FGD3: variants seen among roughly 807,000 people sequenced by gnomAD.
FGD3 encodes FYVE, RhoGEF and PH domain containing 3, also known as FYVE, RhoGEF and PH domain-containing protein 3.
FGD3 carries 45 observed loss-of-function variants against 71.8 expected under a neutral mutation model. The ratio of observed to expected loss-of-function variants is 0.63; its 90% CI spans 0.49 to 0.80. FGD3 has a LOEUF of 0.80. FGD3 is among the 30% of genes least tolerant of loss of function. The probability of loss-of-function intolerance (pLI) is 0.00; values close to 1 mark genes in which losing one functional copy is unlikely to be tolerated. For missense variants in FGD3, 844 were observed against 951.5 expected (o/e 0.89, Z 1.49); for synonymous variants, 378 against 392.8 (o/e 0.96, Z 0.44).
At position 92,956,837 on chromosome 9, in the gene FGD3, TC is replaced by T. The variant is rs200598222; in HGVS notation, c.-218+9109del. On this transcript the variant is annotated intron_variant, in intron 1 of 17. Transcript: ENST00000375482. ...GATCCATCCATATAATTGCTTTCTT[TC>T]TTTTTTTTTTTTTTTTTGAAGACAG... is the stretch of plus-strand genomic sequence containing the variant. 3.0e-3 allele frequency among the ~76,000 whole-genome samples: 429 copies of T among 144,266 alleles called. 36 individuals are homozygous for T. The highest frequency in any genetic ancestry group is 0.014 in the Middle Eastern group (4 of 276). The allele number at this position is 144,266 out of a possible 152,430, so 94.6% of individuals were successfully genotyped here.
At chr9:93,025,454 G>A (rs1378263654) in intron 14 of FGD3, among the ~76,000 whole-genome samples, 1 of 152,266 alleles carries the variant, frequency 6.6e-6, no homozygotes, top group Non-Finnish European at 1.5e-5. Context: ...ACAGCTCAGT[G>A]TCTGTGTCAA....
chr9:93,025,604 A>G (rs990946956), intron 14 of FGD3, among the ~76,000 whole-genome samples: 1 of 152,168 alleles, frequency 6.6e-6, no homozygotes, highest in African/African-American at 2.4e-5. Context: ...CCTGAGCCCA[A>G]TTTCTTCAGT....
intron 13 of FGD3, among the ~76,000 whole-genome samples, chr9:93,020,928 A>ATTC (rs559724811): frequency 8.9e-4 from 135 of 152,334 alleles, no homozygotes; most frequent in African/African-American, 3.2e-3. Flanking sequence ...TGGGCGGGAA[A>ATTC]GCAGGATGTG....
chr9:92,976,596 G>A lies in FGD3; in HGVS notation c.340G>A (p.Asp114Asn). 1 of 1,612,828 alleles carries A rather than the reference G, an allele frequency of 6.2e-7. No individual in the cohort carries two copies. Among genetic ancestry groups the A allele is most frequent in the South Asian group, 1.1e-5 (1 of 90,986 alleles). The change falls in exon 3 of 18, where the codon GAC becomes AAC. Residue 114 changes from aspartate to asparagine, a missense_variant. By Grantham distance (23) the Asp-to-Asn change is conservative. Coordinates refer to ENST00000375482, the MANE Select transcript of FGD3 (RefSeq NM_001083536.2). ...GGGGGCGCACGCAGAGATGGCCCTG[G>A]ACAGCCAGGTCCCGAAGGTCACCCC... ...VLGAHAEMAL[D>N]SQVPKVTPQE... is the part of the protein sequence containing the mutation.
Position 93,019,857 on chromosome 9 carries a change from T to C in FGD3, c.1382T>C (p.Ile461Thr), listed in dbSNP as rs954634406. The C allele has an allele frequency of 6.2e-7, 1 of 1,613,928 alleles. No homozygotes were observed. The highest frequency in any genetic ancestry group is 8.5e-7 in the Non-Finnish European group (1 of 1,179,876). The change falls in exon 12 of 18, where the codon ATT (isoleucine) becomes ACT (threonine). Residue 461 changes from isoleucine to threonine, a missense_variant. Physicochemically the swap from Ile to Thr is moderately conservative, Grantham distance 89. Transcript: ENST00000375482. ...TRTEEEKKEW[I>T]QIIQATIEKH... ...ACAGAGGAAGAGAAGAAAGAATGGA[T>C]TCAGGTGAAGCTTCTAAAGTTGTAA...
chr9:93,018,271 A>C (rs1010197178), intron 11 of FGD3, 56 bp downstream of exon 11: 2 of 1,471,988 alleles, frequency 1.4e-6, no homozygotes, highest in Non-Finnish European at 1.9e-6. Flanking sequence ...TCTTTTTCTA[A>C]ACTGGTTAAC....
intron 1 of FGD3, among the ~76,000 whole-genome samples, chr9:92,974,104 G>C (rs181333402): frequency 2.7e-5 from 4 of 148,960 alleles, no homozygotes; most frequent in African/African-American, 9.7e-5. Context: ...GTCCATTTTT[G>C]TTGTTGTTCC....
chr9:92,987,097 A>C (rs566448066), intron 3 of FGD3, among the ~76,000 whole-genome samples: 1 of 152,342 alleles, frequency 6.6e-6, no homozygotes, highest in South Asian at 2.1e-4. Flanking sequence ...AAACAGGAGA[A>C]TAGGCAGTAT....
At chr9:93,000,357 C>T (rs1350819475) in intron 3 of FGD3, among the ~76,000 whole-genome samples, 1 of 152,072 alleles carries the variant, frequency 6.6e-6, no homozygotes, top group Non-Finnish European at 1.5e-5. Flanking sequence ...TGTATTTATC[C>T]ATGTGTTCAC....
intron 6 of FGD3, 73 bp downstream of exon 6, chr9:93,006,253 A>G: frequency 7.1e-7 from 1 of 1,406,690 alleles, no homozygotes; most frequent in Non-Finnish European, 9.4e-7. Context: ...ATTTTTTAAA[A>G]ACATATGTAT....
intron 1 of FGD3, among the ~76,000 whole-genome samples, chr9:92,951,186 A>G (rs528148347): frequency 1.7e-4 from 26 of 152,338 alleles, no homozygotes; most frequent in African/African-American, 6.0e-4. Flanking sequence ...ATAGCATACT[A>G]ATATGTGCTT....
chr9:93,010,139 G>A, intron 6 of FGD3, 107 bp from the exon 7 acceptor site: 1 of 1,380,384 alleles, frequency 7.2e-7, no homozygotes, highest in Non-Finnish European at 9.9e-7. Context: ...TCAGTTCTGG[G>A]CAGCCAGTTC....
intron 14 of FGD3, among the ~76,000 whole-genome samples, chr9:93,026,501 A>T (rs1862119052): frequency 1.3e-5 from 2 of 152,168 alleles, no homozygotes; most frequent in Non-Finnish European, 2.9e-5. Context: ...GTTGGCCTCG[A>T]CGGGCTGCGG....
chr9:93,022,422 T>C, intron 14 of FGD3, 33 bp downstream of exon 14: 1 of 1,604,184 alleles, frequency 6.2e-7, no homozygotes, highest in Non-Finnish European at 8.5e-7. Flanking sequence ...TCAGCAGGGG[T>C]GAAAGGCAGA....
chr9:93,007,726 A>G (rs1417704929), intron 6 of FGD3, among the ~76,000 whole-genome samples: 1 of 152,246 alleles, frequency 6.6e-6, no homozygotes, highest in Non-Finnish European at 1.5e-5. Flanking sequence ...GCACAGGGCC[A>G]GGCAGGCTGT....
At chr9:93,026,357 G>A (rs759237415) in intron 14 of FGD3, among the ~76,000 whole-genome samples, 9 of 152,196 alleles carry the variant, frequency 5.9e-5, no homozygotes, top group Non-Finnish European at 8.8e-5. Flanking sequence ...GTCAACCTGC[G>A]TGGTAACTTC....
intron 9 of FGD3, among the ~76,000 whole-genome samples, chr9:93,015,076 C>T (rs747096497): frequency 7.3e-5 from 11 of 151,592 alleles, no homozygotes; most frequent in Non-Finnish European, 1.6e-4. Context: ...CACATCAATG[C>T]CATGAGATGA....
At chr9:92,996,621 T>C (rs1355775790) in intron 3 of FGD3, among the ~76,000 whole-genome samples, 1 of 152,058 alleles carries the variant, frequency 6.6e-6, no homozygotes, top group East Asian at 1.9e-4. Flanking sequence ...TTTAGTGCTA[T>C]AAATTTCGCT....
intron 14 of FGD3, among the ~76,000 whole-genome samples, chr9:93,022,970 A>G (rs1306090384): frequency 6.6e-6 from 1 of 152,154 alleles, no homozygotes; most frequent in Non-Finnish European, 1.5e-5. Context: ...GGGGATAGGG[A>G]ACTGGGATAA....
Sources: allele counts gnomAD v4.1 joint callset (sites outside exome capture counted in the v4.1 genomes callset), GRCh38; gene constraint gnomAD v4.1.1; transcripts MANE v1.5; gene names NCBI Gene and HGNC (gene_info 2026-07-23, HGNC 2026-07-21).